Variants in RALYL observed in about 807,000 individuals in gnomAD.
The protein encoded by RALYL is RNA-binding Raly-like protein.
In RALYL, 29 loss-of-function variants were observed where a neutral mutation model predicts 35.1. That is an observed-to-expected ratio of 0.83 (90% confidence interval 0.61 to 1.13). The LOEUF (loss-of-function observed/expected upper bound fraction) is 1.13. Ranked by LOEUF, RALYL falls within the 50% of genes most tolerant of loss-of-function variation. RALYL has a pLI of 0.00. For synonymous variants in RALYL, 120 were observed against 127.6 expected (o/e 0.94, Z 0.40); for missense variants, 359 against 360.4 (o/e 1.00, Z 0.03).
chr8:84,356,544 C>A (rs1851866506), intron 1 of RALYL, among the ~76,000 whole-genome samples: 1 of 150,008 alleles, frequency 6.7e-6, no homozygotes, highest in Non-Finnish European at 1.5e-5. Context: ...TCCTCTTGTT[C>A]TTATCCCTTT....
At chr8:84,639,821 T>A (rs1825940181) in intron 2 of RALYL, among the ~76,000 whole-genome samples, 1 of 151,964 alleles carries the variant, frequency 6.6e-6, no homozygotes, top group African/African-American at 2.4e-5. Flanking sequence ...GGGAAGGCAC[T>A]CATTAATCCT....
intron 1 of RALYL, among the ~76,000 whole-genome samples, chr8:84,340,913 C>T (rs1380496838): frequency 6.6e-6 from 1 of 152,132 alleles, no homozygotes; most frequent in East Asian, 1.9e-4. Flanking sequence ...ACAGGCCACA[C>T]CATTTTACAT....
chr8:84,542,697 A>G (rs754536020), intron 2 of RALYL, among the ~76,000 whole-genome samples: 1 of 152,134 alleles, frequency 6.6e-6, no homozygotes, highest in Admixed American at 6.6e-5. Flanking sequence ...AATGAATTAA[A>G]CATCTTTCCT....
chr8:84,619,770 C>G (rs986769875), intron 2 of RALYL, among the ~76,000 whole-genome samples: 17 of 151,524 alleles, frequency 1.1e-4, no homozygotes, highest in Non-Finnish European at 1.6e-4. Context: ...CCTTCAGGAG[C>G]TCTTTTAGGG....
intron 2 of RALYL, among the ~76,000 whole-genome samples, chr8:84,678,140 T>C (rs1398512238): frequency 1.3e-5 from 2 of 152,218 alleles, no homozygotes; most frequent in African/African-American, 4.8e-5. Context: ...CTTTATTTTT[T>C]AACATTGTCT....
intron 2 of RALYL, among the ~76,000 whole-genome samples, chr8:84,537,631 G>A (rs1001251454): frequency 3.9e-5 from 6 of 152,092 alleles, no homozygotes; most frequent in African/African-American, 1.4e-4. Flanking sequence ...TTGCCATCCT[G>A]TATCAGTGGC....
chr8:84,286,524 A>C (rs1837652521), intron 1 of RALYL, among the ~76,000 whole-genome samples: 1 of 152,200 alleles, frequency 6.6e-6, no homozygotes, highest in African/African-American at 2.4e-5. Context: ...CATTTATTGC[A>C]GAGCACCTCG....
intron 1 of RALYL, among the ~76,000 whole-genome samples, chr8:84,521,407 A>C (rs1373153316): frequency 1.3e-5 from 2 of 152,220 alleles, no homozygotes; most frequent in East Asian, 3.9e-4. Context: ...CTAATACATC[A>C]ACATAGAAAG....
chr8:84,311,393 CAG>C, intron 1 of RALYL, among the ~76,000 whole-genome samples: 1 of 151,982 alleles, frequency 6.6e-6, no homozygotes, highest in East Asian at 1.9e-4. Context: ...AGAAAATAAA[CAG>C]AAAATCTACT....
chr8:84,372,345 G>T (rs890317995), intron 1 of RALYL, among the ~76,000 whole-genome samples: 1 of 151,966 alleles, frequency 6.6e-6, no homozygotes, highest in African/African-American at 2.4e-5. Context: ...AATCAAAAGC[G>T]TTCTCCTAGC....
chr8:84,486,397 G>A (rs937372224), intron 1 of RALYL, among the ~76,000 whole-genome samples: 1 of 151,172 alleles, frequency 6.6e-6, no homozygotes, highest in Non-Finnish European at 1.5e-5. Flanking sequence ...GCTTGTATCT[G>A]CATTTATTTG....
chr8:84,588,234 G>A lies in RALYL; in HGVS notation c.256+58657G>A, dbSNP rs527622512. Among the ~76,000 whole-genome samples the A allele has an allele frequency of 3.3e-5, 5 of 152,278 alleles. No individual in the cohort carries two copies. The East Asian group carries it at 9.7e-4, about 29-fold the overall frequency. ...GTTGTTAAATTAAGGAATGTACATG[G>A]ACATCTGATTCCCCTGTCACCTTTT... On this transcript the variant is annotated intron_variant, in intron 2 of 8. Coordinates refer to ENST00000521268, the MANE Select transcript of RALYL (RefSeq NM_173848.7).
At chr8:84,752,303 A>G (rs145343646) in intron 2 of RALYL, among the ~76,000 whole-genome samples, 2 of 152,334 alleles carry the variant, frequency 1.3e-5, no homozygotes, top group East Asian at 3.9e-4. Context: ...AAGCATTCAC[A>G]GTGACCTGGC....
chr8:84,328,072 T>C (rs1264875841), intron 1 of RALYL, among the ~76,000 whole-genome samples: 1 of 152,204 alleles, frequency 6.6e-6, no homozygotes, highest in Non-Finnish European at 1.5e-5. Flanking sequence ...TGAGGCTGTC[T>C]TTCATAGTCT....
At chr8:84,262,965 A>G (rs578142271) in intron 1 of RALYL, among the ~76,000 whole-genome samples, 2 of 152,256 alleles carry the variant, frequency 1.3e-5, no homozygotes, top group African/African-American at 4.8e-5. Flanking sequence ...CTAGTTTTTT[A>G]ATAACAAGAT....
At chr8:84,869,880 T>A (rs1035120371) in intron 6 of RALYL, among the ~76,000 whole-genome samples, 1 of 152,212 alleles carries the variant, frequency 6.6e-6, no homozygotes, top group African/African-American at 2.4e-5. Context: ...TAATATTCTT[T>A]TTGGATTATA....
intron 1 of RALYL, among the ~76,000 whole-genome samples, chr8:84,428,106 TCACACACACACACACA>T (rs869249552): frequency 1.6e-5 from 2 of 127,276 alleles, no homozygotes; most frequent in African/African-American, 6.1e-5. Flanking sequence ...TCTCTCTCTC[TCACACACACACACACA>T]CACACACACA....
chr8:84,548,763 T>C (rs1248358898), intron 2 of RALYL, among the ~76,000 whole-genome samples: 1 of 152,212 alleles, frequency 6.6e-6, no homozygotes, highest in Non-Finnish European at 1.5e-5. Flanking sequence ...TCTTCCTCAA[T>C]TTTATTTGAG....
intron 1 of RALYL, among the ~76,000 whole-genome samples, chr8:84,275,304 T>G (rs562267513): frequency 6.6e-6 from 1 of 152,228 alleles, no homozygotes; most frequent in African/African-American, 2.4e-5. Context: ...GTTGGTATAT[T>G]TCATAACTGC....
Sources: allele counts gnomAD v4.1 joint callset (sites outside exome capture counted in the v4.1 genomes callset), GRCh38; gene constraint gnomAD v4.1.1; transcripts MANE v1.5; gene names NCBI Gene and HGNC (gene_info 2026-07-23, HGNC 2026-07-21).